The following ERN1 variants were observed in gnomAD, a reference collection of about 807,000 sequenced individuals.
ERN1 encodes endoplasmic reticulum to nucleus signaling 1, also known as serine/threonine-protein kinase/endoribonuclease IRE1.
Under a neutral mutation model 113.1 loss-of-function variants are expected in ERN1, and 39 were observed. That is an observed-to-expected ratio of 0.34 (90% confidence interval 0.27 to 0.45). The LOEUF (loss-of-function observed/expected upper bound fraction) is 0.45, where lower values mean the gene tolerates loss of function less well. Ranked by LOEUF, ERN1 falls within the 20% of genes least tolerant of loss-of-function variation. The pLI is 1.00. For synonymous variants in ERN1, 507 were observed against 515.9 expected (o/e 0.98, Z 0.23); for missense variants, 976 against 1,274.8 (o/e 0.77, Z 3.57).
At chr17:64,067,898 T>C (rs1351057356) in intron 7 of ERN1, 1 of 315,730 alleles carries the variant, frequency 3.2e-6, no homozygotes, top group Non-Finnish European at 6.0e-6. Flanking sequence ...CTACTTTCCA[T>C]GGGCTTGCAG....
intron 4 of ERN1, 56 bp downstream of exon 4, chr17:64,079,606 T>G (rs1913703541): frequency 7.1e-7 from 1 of 1,410,900 alleles, no homozygotes; most frequent in African/African-American, 1.4e-5. Flanking sequence ...GCAGACACAC[T>G]TAAGGACCGC....
chr17:64,053,985 G>T, intron 15 of ERN1: 1 of 384,298 alleles, frequency 2.6e-6, no homozygotes, highest in Non-Finnish European at 4.8e-6. Context: ...TGTTGTCCAG[G>T]CTGGAGTGCA....
intron 1 of ERN1, among the ~76,000 whole-genome samples, chr17:64,108,756 G>A (rs993721868): frequency 1.3e-5 from 2 of 152,138 alleles, no homozygotes; most frequent in Admixed American, 6.5e-5. Flanking sequence ...ATTTGTATGT[G>A]CACCATTGGC....
rs76503895 is a variant in ERN1, at chr17:64,097,234, T to C, written c.175+887A>G. 6.9e-4 allele frequency among the ~76,000 whole-genome samples: 105 copies of C among 152,310 alleles called. 3 individuals carry two copies. In the East Asian group the frequency reaches 0.015, roughly 22 times the overall value. ...TAACCCAGCTGCCATCATCTATGGA[T>C]GGTAACGAGGTTTGCTGCTGAATTC... On this transcript the variant is annotated intron_variant, in intron 2 of 21. Transcript: ENST00000433197.
chr17:64,077,106 G>A (rs966261942), intron 4 of ERN1, among the ~76,000 whole-genome samples: 4 of 152,298 alleles, frequency 2.6e-5, no homozygotes, highest in Non-Finnish European at 5.9e-5. Context: ...GAAACCAACG[G>A]AGAGCAGTGT....
chr17:64,124,503 T>C (rs112450872), intron 1 of ERN1, among the ~76,000 whole-genome samples: 11,693 of 152,220 alleles, frequency 0.077, 602 homozygotes, highest in African/African-American at 0.13. Flanking sequence ...GTTCTTGTGA[T>C]AGTGAATAAG....
In ERN1 at chr17:64,049,246, T is replaced by C; in HGVS notation, c.2254-44A>G. 6.6e-7 allele frequency: 1 copy of C among 1,525,034 alleles called. No individual in the cohort carries two copies. 94.5% of individuals were successfully genotyped at this position (1,525,034 alleles called of 1,614,324 possible). On this transcript the variant is annotated intron_variant, in intron 17 of 21. Transcript: ENST00000433197. The surrounding 1 kb of genome is among the most constrained non-coding windows in gnomAD (Gnocchi z 4.7). Reference sequence around the variant, plus strand: ...CGTGAGAGGTCTGGGAGCAGAGTTTTCATCCTCACTCACAGTCAGGGAGGG... The same window carrying C: ...CGTGAGAGGTCTGGGAGCAGAGTTTCCATCCTCACTCACAGTCAGGGAGGG...
chr17:64,091,824 A>C (rs16947483), intron 2 of ERN1, among the ~76,000 whole-genome samples: 7,479 of 152,208 alleles, frequency 0.049, 582 homozygotes, highest in African/African-American at 0.17. Context: ...AGGAGCTTAG[A>C]CTTGACCCTG....
intron 6 of ERN1, among the ~76,000 whole-genome samples, 159 bp downstream of exon 6, chr17:64,071,822 C>A (rs910776790): frequency 1.3e-5 from 2 of 152,124 alleles, no homozygotes; most frequent in Non-Finnish European, 2.9e-5. Context: ...CCCTTGCACA[C>A]TGGGGGGACA....
In ERN1 at chr17:64,054,422, C is replaced by T. The variant is rs766587905; in HGVS notation, c.1781G>A (p.Arg594His). Reference sequence around the variant, plus strand: ...GAGGATCCTCTTCACGGCCACGTCGCGGTTGTCAAACATGCCCCTGCGGGA... The same window carrying T: ...GAGGATCCTCTTCACGGCCACGTCGTGGTTGTCAAACATGCCCCTGCGGGA... ...TIVYRGMFDN[R>H]DVAVKRILPE... The change falls in exon 15 of 22, where the codon CGC becomes CAC. Residue 594 changes from arginine to histidine, a missense_variant. Arg to His is a conservative substitution (Grantham distance 29, BLOSUM62 0). Transcript: ENST00000433197. The surrounding 1 kb of genome is among the most constrained non-coding windows in gnomAD (Gnocchi z 4.9). The T allele has an allele frequency of 5.1e-6, 8 of 1,567,818 alleles. No homozygotes were observed. The highest frequency in any genetic ancestry group is 6.9e-6 in the Non-Finnish European group (8 of 1,156,214).
chr17:64,101,336 G>A (rs1326019287), intron 1 of ERN1, among the ~76,000 whole-genome samples: 1 of 152,098 alleles, frequency 6.6e-6, no homozygotes, highest in Non-Finnish European at 1.5e-5. Flanking sequence ...CTTGAACCCA[G>A]GAGGTGGAGG....
chr17:64,088,675 G>A (rs1339069156), intron 2 of ERN1, among the ~76,000 whole-genome samples: 1 of 152,176 alleles, frequency 6.6e-6, no homozygotes, highest in Non-Finnish European at 1.5e-5. Context: ...AAAGAAGGGA[G>A]CTTATGGTTT....
In ERN1 at chr17:64,055,667, G is replaced by A. The variant is rs1912838071; in HGVS notation, c.1672+8C>T. ...ATAAAATAGCACCAAGATGGCAACT[G>A]GCTTTACCTCCATCGTCTTGTTCCA... On this transcript the variant is annotated splice_region_variant and intron_variant, in intron 13 of 21. Coordinates refer to ENST00000433197, the MANE Select transcript of ERN1 (RefSeq NM_001433.5). 1.3e-6 allele frequency: 2 copies of A among 1,566,742 alleles called. No homozygotes were observed. The highest frequency in any genetic ancestry group is 2.3e-5 in the East Asian group (1 of 44,394).
At chr17:64,090,896 A>C (rs995860617) in intron 2 of ERN1, among the ~76,000 whole-genome samples, 2 of 152,200 alleles carry the variant, frequency 1.3e-5, no homozygotes, top group Admixed American at 6.5e-5. Context: ...TAAACCGTCT[A>C]TGTTTAAAAG....
At chr17:64,080,834 C>T in intron 2 of ERN1, 26 bp from the exon 3 acceptor site, 1 of 1,603,126 alleles carries the variant, frequency 6.2e-7, no homozygotes, top group Non-Finnish European at 8.5e-7. Flanking sequence ...ACAAAGCCAT[C>T]ATCAGAAACA....
Position 64,044,531 on chromosome 17 carries a change from C to T in ERN1, c.2721+329G>A, listed in dbSNP as rs946769702. 2.0e-5 allele frequency among the ~76,000 whole-genome samples: 3 copies of T among 152,144 alleles called. No homozygotes were observed. Among genetic ancestry groups the T allele is most frequent in the African/African-American group, 7.2e-5 (3 of 41,424 alleles). On this transcript the variant is annotated intron_variant, in intron 21 of 21. Coordinates refer to ENST00000433197, the MANE Select transcript of ERN1 (RefSeq NM_001433.5). The surrounding 1 kb of genome is among the most constrained non-coding windows in gnomAD (Gnocchi z 4.1). ...GGAGTGTCCGTCCCAGTGGGGTCCC[C>T]GCATTTGAGGTATGTTTATACATGT... is the stretch of plus-strand genomic sequence containing the variant.
intron 2 of ERN1, among the ~76,000 whole-genome samples, chr17:64,087,441 C>T (rs965818850): frequency 1.6e-4 from 24 of 152,200 alleles, no homozygotes; most frequent in Admixed American, 1.0e-3. Context: ...AGTTCACATT[C>T]CCCAGATTGG....
intron 11 of ERN1, among the ~76,000 whole-genome samples, chr17:64,059,984 C>T (rs570329913): frequency 1.3e-5 from 2 of 152,092 alleles, no homozygotes; most frequent in Admixed American, 6.6e-5. Context: ...AGACACCCAA[C>T]CCAGCCTTCA....
chr17:64,081,537 G>A (rs1913768905), intron 2 of ERN1, among the ~76,000 whole-genome samples: 2 of 152,146 alleles, frequency 1.3e-5, no homozygotes, highest in Non-Finnish European at 2.9e-5. Context: ...ACAAACCTAT[G>A]CTATTATGTT....
Sources: gnomAD v4.1 joint callset for allele counts (sites outside exome capture counted in the v4.1 genomes callset) on GRCh38, gnomAD v4.1.1 for gene constraint, Gnocchi (gnomAD v3.1) non-coding constraint, MANE v1.5 for transcripts, NCBI Gene and HGNC (gene_info 2026-07-23, HGNC 2026-07-21) for gene names.